Variants in WDR97 observed in about 807,000 individuals in gnomAD.
WDR97 encodes WD repeat domain 97, also known as WD repeat-containing protein 97.
A neutral mutation model predicts 65.4 loss-of-function variants in WDR97; 111 were observed. The observed-to-expected ratio is 1.70, with a 90% CI of 1.45 to 1.99. The LOEUF is 1.99. Ranked by LOEUF, WDR97 falls within the 30% of genes most tolerant of loss-of-function variation. The pLI, the probability that WDR97 is intolerant of heterozygous loss-of-function variation, is 0.00. For missense variants in WDR97, 1,674 were observed against 865.0 expected (o/e 1.94, Z -11.73); for synonymous variants, 802 against 397.7 (o/e 2.02, Z -12.10).
rs1836536199 is a variant in WDR97 at position 144,110,996 on chromosome 8, G to T, written c.2304G>T (p.Lys768Asn). The change falls in exon 9 of 24, where the codon AAG becomes AAT. Residue 768 changes from lysine (K) to asparagine (N), a missense_variant and splice_region_variant. Transcript: ENST00000323662. ...RLYLPTSYLV[K>N]KMCRKAPDVV... ...ACCTGCCTACATCCTACCTAGTTAAGGTGTGTGGTGAGGACAGAGTGAGCA... is the reference window on the plus strand; with the variant it reads ...ACCTGCCTACATCCTACCTAGTTAATGTGTGTGGTGAGGACAGAGTGAGCA... 1 of 702,654 alleles carries T rather than the reference G, an allele frequency of 1.4e-6. No individual in the cohort carries two copies. Among genetic ancestry groups the T allele is most frequent in the African/African-American group, 1.7e-5 (1 of 57,254 alleles). 43.5% of individuals were successfully genotyped at this position (702,654 alleles called of 1,614,324 possible).
At chr8:144,110,767 G>T (rs1447585267) in intron 8 of WDR97, 28 bp downstream of exon 8, 1 of 702,682 alleles carries the variant, frequency 1.4e-6, no homozygotes, top group East Asian at 2.7e-5. Context: ...GAGGGCTGGG[G>T]TCTCCTACCT....
chr8:144,115,685 G>A lies in WDR97; in HGVS notation c.4422G>A (p.Ser1474=), dbSNP rs1486765599. 1 of 699,910 alleles carries A rather than the reference G, an allele frequency of 1.4e-6. No individual in the cohort carries two copies. The highest frequency in any genetic ancestry group is 1.5e-5 in the South Asian group (1 of 67,338). The allele number at this position is 699,910 out of a possible 1,614,324, so 43.4% of individuals were successfully genotyped here. The change falls in exon 22 of 24, where the codon TCG becomes TCA. Residue 1474 remains serine, a synonymous_variant. Coordinates refer to ENST00000323662, the MANE Select transcript of WDR97 (RefSeq NM_001316309.2). ...CGCCGCTGGAGGAGACCGACTGGTC[G>A]CACTCGCAGCTGCTGGACTTGGGCC... ...EPPPLEETDW[S]HSQLLDLGPI...
At chr8:144,113,163 G>C (rs918131371) in intron 15 of WDR97, 1 of 533,294 alleles carries the variant, frequency 1.9e-6, no homozygotes, top group Non-Finnish European at 3.3e-6. Context: ...TAAGGAGCTT[G>C]CAGGGTGTCA....
intron 3 of WDR97, 48 bp from the exon 4 acceptor site, chr8:144,109,001 A>T (rs961108058): frequency 1.4e-6 from 1 of 702,924 alleles, no homozygotes; most frequent in African/African-American, 1.7e-5. Flanking sequence ...GCCCTCACAC[A>T]CAAGGCGATG....
In WDR97 at chr8:144,111,013, G is replaced by C; in HGVS notation, c.2304+17G>C. On this transcript the variant is annotated intron_variant, in intron 9 of 23. Transcript: ENST00000323662. The stretch of plus-strand genomic sequence containing the variant: ...CTAGTTAAGGTGTGTGGTGAGGACA[G>C]AGTGAGCAAGGTGGGCCCCCCTTGC... The C allele has an allele frequency of 1.4e-6, 1 of 702,652 alleles. No homozygotes were observed. The allele number at this position is 702,652 out of a possible 1,614,324, so 43.5% of individuals were successfully genotyped here.
chr8:144,110,790 A>T, intron 8 of WDR97, 51 bp downstream of exon 8: 1 of 702,626 alleles, frequency 1.4e-6, no homozygotes, highest in South Asian at 1.5e-5. Context: ...GCTCCTCACC[A>T]GAGCCCACTG....
rs749635166 is a variant in WDR97 at position 144,109,110 on chromosome 8, A to C, written c.940A>C (p.Ser314Arg). Reference sequence around the variant, plus strand: ...GGCAATGGTGACAGCTTCCCGGGACAGCACCGTGAAGGTGTGGGAGGCTGA... The same window carrying C: ...GGCAATGGTGACAGCTTCCCGGGACCGCACCGTGAAGGTGTGGGAGGCTGA... ...VEAMVTASRDSTVKVWEADWQ... is the reference protein window; with the variant it reads ...VEAMVTASRDRTVKVWEADWQ... The change falls in exon 4 of 24, where the codon AGC becomes CGC. Residue 314 changes from serine (S) to arginine (R), a missense_variant. By Grantham distance (110) the Ser-to-Arg change is moderately radical (BLOSUM62 -1). Transcript: ENST00000323662. 11 of 702,958 alleles carry C rather than the reference A, an allele frequency of 1.6e-5. No homozygotes were observed. The South Asian group carries it at 1.6e-4, about 10-fold the overall frequency. 43.5% of individuals were successfully genotyped at this position (702,958 alleles called of 1,614,324 possible). A position where few individuals can be genotyped will look rare whatever the true frequency, so the allele number is the denominator to read the frequency against.
chr8:144,109,116 G>A lies in WDR97; in HGVS notation c.946G>A (p.Val316Met), dbSNP rs1458848378. The A allele has an allele frequency of 8.5e-6, 6 of 703,076 alleles. No homozygotes were observed. Among genetic ancestry groups the A allele is most frequent in the East Asian group, 8.0e-5 (3 of 37,294 alleles). The allele number at this position is 703,076 out of a possible 1,614,324, so 43.6% of individuals were successfully genotyped here. A position where few individuals can be genotyped will look rare whatever the true frequency, so the allele number is the denominator to read the frequency against. Residue 316 changes from valine to methionine, a missense_variant, in exon 4 of 24, where the codon GTG becomes ATG. Physicochemically the swap from Val to Met is conservative, Grantham distance 21. Transcript: ENST00000323662. ...AMVTASRDSTVKVWEADWQIR... is the reference protein window; with the variant it reads ...AMVTASRDSTMKVWEADWQIR... The stretch of plus-strand genomic sequence containing the variant: ...GGTGACAGCTTCCCGGGACAGCACC[G>A]TGAAGGTGTGGGAGGCTGACTGGCA...
chr8:144,109,911 G>T lies in WDR97; in HGVS notation c.1577G>T (p.Cys526Phe). The T allele has an allele frequency of 1.4e-6, 1 of 702,078 alleles. No individual in the cohort carries two copies. The highest frequency in any genetic ancestry group is 2.7e-5 in the East Asian group (1 of 37,262). The allele number at this position is 702,078 out of a possible 1,614,324, so 43.5% of individuals were successfully genotyped here. Residue 526 changes from cysteine to phenylalanine, a missense_variant, in exon 5 of 24, where the codon TGT (cysteine) becomes TTT (phenylalanine). Coordinates refer to ENST00000323662, the MANE Select transcript of WDR97 (RefSeq NM_001316309.2). ...PPPPPAPQPC[C>F]LHLYSHLTDL... ...CCGCCCCCTGCGCCGCAGCCTTGCT[G>T]TCTGCACCTGTACAGCCACCTCACG...
rs1043034697 is a variant in WDR97 at position 144,111,615 on chromosome 8, C to T, written c.2488-17C>T. The stretch of plus-strand genomic sequence containing the variant: ...AGGCTCAAGGAAGAGCAGGCTGATC[C>T]CTGAACCCTGACTCAGGACTTGGAC... On this transcript the variant is annotated splice_polypyrimidine_tract_variant and intron_variant, in intron 11 of 23. Transcript: ENST00000323662. 2 of 681,282 alleles carry T rather than the reference C, an allele frequency of 2.9e-6. No individual in the cohort carries two copies. The highest frequency in any genetic ancestry group is 5.4e-6 in the Non-Finnish European group (2 of 373,290). The allele number at this position is 681,282 out of a possible 1,614,324, so 42.2% of individuals were successfully genotyped here.
At chr8:144,107,964 T>A in intron 1 of WDR97, 95 bp from the exon 2 acceptor site, 1 of 701,308 alleles carries the variant, frequency 1.4e-6, no homozygotes, top group Non-Finnish European at 2.6e-6. Context: ...GGGCAGTCCC[T>A]GGTAGGGCAG....
rs1461928794 is a variant in WDR97 at position 144,110,326 on chromosome 8, T to G, written c.1844-15T>G. 1 of 702,746 alleles carries G rather than the reference T, an allele frequency of 1.4e-6. No individual in the cohort carries two copies. The highest frequency in any genetic ancestry group is 2.6e-6 in the Non-Finnish European group (1 of 384,828). The allele number at this position is 702,746 out of a possible 1,614,324, so 43.5% of individuals were successfully genotyped here. On this transcript the variant is annotated splice_polypyrimidine_tract_variant and intron_variant, in intron 6 of 23. Coordinates refer to ENST00000323662, the MANE Select transcript of WDR97 (RefSeq NM_001316309.2). ...TCCCCTCCGACAAGGCCCAGCCAGATTCCGCTGCCCACAGGTGGGGACCTG... is the reference window on the plus strand; with the variant it reads ...TCCCCTCCGACAAGGCCCAGCCAGAGTCCGCTGCCCACAGGTGGGGACCTG...
intron 12 of WDR97, 31 bp downstream of exon 12, chr8:144,111,812 T>C: frequency 1.5e-6 from 1 of 674,222 alleles, no homozygotes; most frequent in Non-Finnish European, 2.7e-6. Flanking sequence ...AGCCCAGCCC[T>C]GACCCTGGCC....
chr8:144,110,644 G>T lies in WDR97; in HGVS notation c.2081-5G>T. 1 of 702,824 alleles carries T rather than the reference G, an allele frequency of 1.4e-6. No individual in the cohort carries two copies. Among genetic ancestry groups the T allele is most frequent in the South Asian group, 1.5e-5 (1 of 67,596 alleles). The allele number at this position is 702,824 out of a possible 1,614,324, so 43.5% of individuals were successfully genotyped here. A position where few individuals can be genotyped will look rare whatever the true frequency, so the allele number is the denominator to read the frequency against. On this transcript the variant is annotated splice_region_variant and splice_polypyrimidine_tract_variant and intron_variant, in intron 7 of 23. Coordinates refer to ENST00000323662, the MANE Select transcript of WDR97 (RefSeq NM_001316309.2). The stretch of plus-strand genomic sequence containing the variant: ...CCGGTTCCTGACCCTGAACCCTGCC[G>T]CCAGGCCTGTGCTGCTGCCCCACGC...
rs181448990 is a variant in WDR97, at chr8:144,112,234, G to A, written c.2906G>A (p.Arg969His). 2,350 of 702,550 alleles carry A rather than the reference G, an allele frequency of 3.3e-3. 11 individuals are homozygous for A. Among genetic ancestry groups the A allele is most frequent in the Non-Finnish European group, 3.6e-3 (1,400 of 384,902 alleles). 43.5% of individuals were successfully genotyped at this position (702,550 alleles called of 1,614,324 possible). Residue 969 changes from arginine to histidine, a missense_variant, in exon 14 of 24, where the codon CGC becomes CAC. By Grantham distance (29) the Arg-to-His change is conservative (BLOSUM62 0). Transcript: ENST00000323662. ...VHSKASQLLA[R>H]SSLSHYLGIS... ...CCTCCTATGCCCCAGCTTCTGGCCC[G>A]CTCCTCACTGAGCCACTACCTGGGC...
At chr8:144,112,716 A>G (rs955163457) in intron 15 of WDR97, 186 bp downstream of exon 15, 36 of 607,024 alleles carry the variant, frequency 5.9e-5, no homozygotes, top group Non-Finnish European at 1.0e-4. Context: ...CCCTCTGTCT[A>G]GCCCTGTTCC....
In WDR97 at chr8:144,109,727, A is replaced by G. The variant is rs1464560595; in HGVS notation, c.1393A>G (p.Ile465Val). 2 of 681,414 alleles carry G rather than the reference A, an allele frequency of 2.9e-6. No homozygotes were observed. The highest frequency in any genetic ancestry group is 1.9e-5 in the African/African-American group (1 of 54,038). 42.2% of individuals were successfully genotyped at this position (681,414 alleles called of 1,614,324 possible). ...VYLLSAATGR[I>V]VSSLLLEPED... Reference sequence around the variant, plus strand: ...CCTCCTGTCGGCGGCCACCGGGCGCATAGTGAGCTCACTGCTGCTGGAGCC... The same window carrying G: ...CCTCCTGTCGGCGGCCACCGGGCGCGTAGTGAGCTCACTGCTGCTGGAGCC... The change falls in exon 5 of 24, where the codon ATA becomes GTA. Residue 465 changes from isoleucine to valine, a missense_variant. Physicochemically the swap from Ile to Val is conservative, Grantham distance 29. Coordinates refer to ENST00000323662, the MANE Select transcript of WDR97 (RefSeq NM_001316309.2).
chr8:144,115,618 G>C lies in WDR97; in HGVS notation c.4355G>C (p.Arg1452Pro). The C allele has an allele frequency of 1.5e-6, 1 of 687,088 alleles. No individual in the cohort carries two copies. The highest frequency in any genetic ancestry group is 2.7e-6 in the Non-Finnish European group (1 of 375,610). The allele number at this position is 687,088 out of a possible 1,614,324, so 42.6% of individuals were successfully genotyped here. Residue 1452 changes from arginine to proline, a missense_variant, in exon 22 of 24, where the codon CGC becomes CCC. By Grantham distance (103) the Arg-to-Pro change is moderately radical (BLOSUM62 -2). Coordinates refer to ENST00000323662, the MANE Select transcript of WDR97 (RefSeq NM_001316309.2). ...AGCTTCTGCCTGGAGCCCGAGGCCC[G>C]CCTGCACCCTGCCGGGCCTGCTCAG... is the stretch of plus-strand genomic sequence containing the variant. Reference protein sequence around the residue: ...LKSFCLEPEARLHPAGPAQLP... With the variant: ...LKSFCLEPEAPLHPAGPAQLP...
chr8:144,115,028 C>T (rs1836623427), intron 21 of WDR97, 117 bp downstream of exon 21: 1 of 605,478 alleles, frequency 1.7e-6, no homozygotes, highest in Non-Finnish European at 2.9e-6. Flanking sequence ...CTTGCCCAGT[C>T]CTGGGCCTCC....
Sources: gnomAD v4.1 joint callset for allele counts on GRCh38, gnomAD v4.1.1 for gene constraint, MANE v1.5 for transcripts, NCBI Gene and HGNC (gene_info 2026-07-23, HGNC 2026-07-21) for gene names.